LRP1B: variants seen among roughly 807,000 people sequenced by gnomAD.
LRP1B encodes the protein low-density lipoprotein receptor-related protein 1B.
In LRP1B, 217 loss-of-function variants were observed where a neutral mutation model predicts 556.6. The observed-to-expected ratio is 0.39, with a 90% confidence interval of 0.35 to 0.44. The LOEUF is 0.44. LRP1B is among the 20% of genes least tolerant of loss of function. The pLI is 1.00. For synonymous variants in LRP1B, 2,047 were observed against 1,865.8 expected (o/e 1.10, Z -2.50); for missense variants, 5,053 against 5,620.8 (o/e 0.90, Z 3.23).
chr2:141,999,133 G>T (rs998599240), intron 1 of LRP1B, among the ~76,000 whole-genome samples: 9 of 152,158 alleles, frequency 5.9e-5, no homozygotes, highest in African/African-American at 2.2e-4. Context: ...ATGTCTTATT[G>T]CAACAAAAAA....
At chr2:140,938,180 T>C (rs1695286802) in intron 20 of LRP1B, among the ~76,000 whole-genome samples, 1 of 151,398 alleles carries the variant, frequency 6.6e-6, no homozygotes, top group African/African-American at 2.4e-5. Flanking sequence ...CTGAACTAAA[T>C]GATCTTAATT....
intron 3 of LRP1B, among the ~76,000 whole-genome samples, chr2:141,408,016 G>A (rs1318760251): frequency 6.6e-6 from 1 of 152,068 alleles, no homozygotes; most frequent in Non-Finnish European, 1.5e-5. Context: ...AAGAGGCTCA[G>A]CCTGGTTTTC....
chr2:141,176,578 T>G (rs925293022), intron 7 of LRP1B, among the ~76,000 whole-genome samples: 5 of 149,630 alleles, frequency 3.3e-5, no homozygotes, highest in Admixed American at 6.6e-5. Flanking sequence ...GTGAGTCAAT[T>G]AAACCTCTTT....
chr2:140,734,712 T>C (rs1167537087), intron 35 of LRP1B, among the ~76,000 whole-genome samples: 1 of 145,266 alleles, frequency 6.9e-6, no homozygotes, highest in East Asian at 2.0e-4. Flanking sequence ...TCTTCACATT[T>C]TTGCTAAGGC....
chr2:141,286,304 A>AT (rs1558982262), intron 3 of LRP1B, among the ~76,000 whole-genome samples: 40 of 151,688 alleles, frequency 2.6e-4, no homozygotes, highest in Admixed American at 7.2e-4. Flanking sequence ...CCTAAGCTAA[A>AT]CTTTTTTTTA....
intron 7 of LRP1B, among the ~76,000 whole-genome samples, chr2:141,130,545 A>C (rs918141138): frequency 1.3e-5 from 2 of 152,130 alleles, no homozygotes; most frequent in African/African-American, 4.8e-5. Context: ...AATTTAAAAG[A>C]TGTGTAAATT....
intron 21 of LRP1B, among the ~76,000 whole-genome samples, chr2:140,913,800 C>A (rs1484004589): frequency 6.6e-6 from 1 of 151,946 alleles, no homozygotes; most frequent in Non-Finnish European, 1.5e-5. Flanking sequence ...TACAAATTAT[C>A]CTGAGCTATA....
At chr2:141,767,855 T>C (rs1694777014) in intron 2 of LRP1B, among the ~76,000 whole-genome samples, 1 of 152,150 alleles carries the variant, frequency 6.6e-6, no homozygotes, top group Non-Finnish European at 1.5e-5. Flanking sequence ...GCAATTTGCA[T>C]TGAATCAAAA....
intron 1 of LRP1B, among the ~76,000 whole-genome samples, chr2:141,888,799 T>C (rs934152860): frequency 6.6e-6 from 1 of 151,844 alleles, no homozygotes; most frequent in Non-Finnish European, 1.5e-5. Flanking sequence ...AGGACAGGAG[T>C]GAAAAATGAG....
intron 3 of LRP1B, among the ~76,000 whole-genome samples, chr2:141,433,560 T>C (rs1680647042): frequency 1.3e-5 from 2 of 152,118 alleles, no homozygotes; most frequent in African/African-American, 4.8e-5. Context: ...TGTTTGTTGA[T>C]AGATTGTCTG....
At chr2:140,553,098 C>A (rs1418568607) in intron 43 of LRP1B, among the ~76,000 whole-genome samples, 1 of 151,992 alleles carries the variant, frequency 6.6e-6, no homozygotes, top group East Asian at 1.9e-4. Context: ...TCCCAAACTC[C>A]CCAACTGATT....
At chr2:141,256,611 T>A (rs1246990099) in intron 3 of LRP1B, among the ~76,000 whole-genome samples, 1 of 152,090 alleles carries the variant, frequency 6.6e-6, no homozygotes, top group Non-Finnish European at 1.5e-5. Flanking sequence ...ATGAAGACTA[T>A]GAATCTTTGC....
chr2:140,818,779 AC>A (rs1427162127), intron 31 of LRP1B, among the ~76,000 whole-genome samples: 1 of 152,052 alleles, frequency 6.6e-6, no homozygotes, highest in Admixed American at 6.5e-5. Flanking sequence ...TACTAAAAAC[AC>A]AAAAAAATTA....
At chr2:142,060,075 T>G (rs1219694211) in intron 1 of LRP1B, among the ~76,000 whole-genome samples, 1 of 152,092 alleles carries the variant, frequency 6.6e-6, no homozygotes, top group Non-Finnish European at 1.5e-5. Flanking sequence ...AGAATAGAAT[T>G]TCAGGATGCA....
chr2:140,826,161 G>T (rs759249713), intron 31 of LRP1B, among the ~76,000 whole-genome samples: 14 of 152,098 alleles, frequency 9.2e-5, no homozygotes, highest in Non-Finnish European at 1.6e-4. Flanking sequence ...CAGTTTTCAG[G>T]ATCTCATAAG....
chr2:141,190,332 G>A (rs1272613354), intron 6 of LRP1B, among the ~76,000 whole-genome samples: 1 of 151,922 alleles, frequency 6.6e-6, no homozygotes, highest in East Asian at 1.9e-4. Context: ...TCCAGAGACT[G>A]AAATTACAGA....
intron 7 of LRP1B, among the ~76,000 whole-genome samples, chr2:141,174,292 C>T (rs987222049): frequency 1.3e-5 from 2 of 151,912 alleles, no homozygotes; most frequent in Admixed American, 6.6e-5. Flanking sequence ...CAGAAATTGC[C>T]CCAAGGTAGA....
chr2:141,387,083 A>G (rs2104898049), intron 3 of LRP1B, among the ~76,000 whole-genome samples: 2 of 152,178 alleles, frequency 1.3e-5, no homozygotes, highest in East Asian at 3.9e-4. Context: ...AGAAATTTAA[A>G]AAGACTTTAA....
At chr2:142,021,467 G>A (rs145726618) in intron 1 of LRP1B, among the ~76,000 whole-genome samples, 1 of 152,008 alleles carries the variant, frequency 6.6e-6, no homozygotes, top group Admixed American at 6.6e-5. Flanking sequence ...TTTCACACTT[G>A]TTTTAGTATT....
Sources: allele counts gnomAD v4.1 joint callset (sites outside exome capture counted in the v4.1 genomes callset), GRCh38; gene constraint gnomAD v4.1.1; transcripts MANE v1.5; gene names NCBI Gene and HGNC (gene_info 2026-07-23, HGNC 2026-07-21).